EFHC1: variants seen among roughly 807,000 people sequenced by gnomAD.
The protein encoded by EFHC1 is EF-hand domain-containing protein 1.
Under a neutral mutation model 69.9 loss-of-function variants are expected in EFHC1, and 53 were observed. That is an observed-to-expected ratio of 0.76 (90% confidence interval 0.61 to 0.95). The LOEUF (loss-of-function observed/expected upper bound fraction) is 0.95, where lower values mean the gene tolerates loss of function less well. Among genes scored for constraint, EFHC1 ranks in the 40% least tolerant of loss-of-function variants. The pLI, the probability that EFHC1 is intolerant of heterozygous loss-of-function variation, is 0.00. For missense variants in EFHC1, 739 were observed against 798.7 expected (o/e 0.93, Z 0.90); for synonymous variants, 256 against 278.4 (o/e 0.92, Z 0.80).
chr6:52,455,739 T>C (rs758315119), intron 5 of EFHC1, among the ~76,000 whole-genome samples: 3 of 152,196 alleles, frequency 2.0e-5, no homozygotes, highest in Non-Finnish European at 4.4e-5. Context: ...AGTCTGAGGC[T>C]AAATTCAACG....
At chr6:52,430,631 A>G (rs1286647231) in intron 2 of EFHC1, among the ~76,000 whole-genome samples, 1 of 152,046 alleles carries the variant, frequency 6.6e-6, no homozygotes, top group Non-Finnish European at 1.5e-5. Context: ...TAAGGATTTT[A>G]GCATCTATGT....
rs751968152 is a variant in EFHC1, at chr6:52,494,060, A to G, written c.*1719A>G. On this transcript the variant is annotated 3_prime_UTR_variant, in exon 11 of 11. Transcript: ENST00000371068. ...CCATGTTTTGTTTTGTTTTACCCTC[A>G]GTCGCTCATAACTATTTAAAACAGT... The G allele has an allele frequency of 1.4e-4, 62 of 432,470 alleles. No homozygotes were observed. Among genetic ancestry groups the G allele is most frequent in the South Asian group, 9.8e-4 (62 of 63,130 alleles). 26.8% of individuals were successfully genotyped at this position (432,470 alleles called of 1,614,324 possible).
chr6:52,493,438 G>A lies in EFHC1; in HGVS notation c.*1097G>A, dbSNP rs1352451234. On this transcript the variant is annotated 3_prime_UTR_variant, in exon 11 of 11. Coordinates refer to ENST00000371068, the MANE Select transcript of EFHC1 (RefSeq NM_018100.4). ...ACGCTTATATGTATACATATAGTAT[G>A]TATATGTGTATATATATTATGTATA... 3 of 383,768 alleles carry A rather than the reference G, an allele frequency of 7.8e-6. No individual in the cohort carries two copies. Among genetic ancestry groups the A allele is most frequent in the South Asian group, 5.7e-5 (3 of 52,498 alleles). 23.8% of individuals were successfully genotyped at this position (383,768 alleles called of 1,614,324 possible).
Position 52,453,767 on chromosome 6 carries a change from A to C in EFHC1, c.724-328A>C, listed in dbSNP as rs531274871. On this transcript the variant is annotated intron_variant, in intron 4 of 10. Transcript: ENST00000371068. The stretch of plus-strand genomic sequence containing the variant: ...TTCACATGTACCTTTATTAATATAT[A>C]TATACCACTATGTAAAGAACTTCAT... 46 of 1,261,712 alleles carry C rather than the reference A, an allele frequency of 3.6e-5. No individual in the cohort carries two copies. In the African/African-American group the frequency reaches 6.5e-4, roughly 18 times the overall value. The allele number at this position is 1,261,712 out of a possible 1,614,324, so 78.2% of individuals were successfully genotyped here.
chr6:52,458,737 C>T (rs1765098627), intron 5 of EFHC1, among the ~76,000 whole-genome samples: 1 of 152,288 alleles, frequency 6.6e-6, no homozygotes, highest in South Asian at 2.1e-4. Context: ...AGTAGAACTA[C>T]ACCAATCCCA....
rs557637201 is a variant in EFHC1 at position 52,460,356 on chromosome 6, C to T, written c.917-4539C>T. Among the ~76,000 whole-genome samples the T allele has an allele frequency of 1.1e-3, 168 of 152,044 alleles. 1 individual carries two copies. Among genetic ancestry groups the T allele is most frequent in the Middle Eastern group, 6.8e-3 (2 of 294 alleles). On this transcript the variant is annotated intron_variant, in intron 5 of 10. Transcript: ENST00000371068. ...AATAAGCAAAATAGATCAGTGATTG[C>T]GTGAGGATGGTGAGAAGGAGAGTTA...
intron 2 of EFHC1, among the ~76,000 whole-genome samples, chr6:52,431,755 T>C (rs995239583): frequency 2.0e-5 from 3 of 152,204 alleles, no homozygotes; most frequent in Non-Finnish European, 4.4e-5. Flanking sequence ...TGTTTCTTTG[T>C]TGACTTTCTG....
chr6:52,479,707 T>C lies in EFHC1; in HGVS notation c.1560T>C (p.Ala520=), dbSNP rs1199507059. ...EYVLKYMESN[A]AQYSPEALAS... ...TTTTGAAATACATGGAGAGCAACGC[T>C]GCCCAGTATTCACCAGAAGCACTCG... is the stretch of plus-strand genomic sequence containing the variant. The change falls in exon 9 of 11, where the codon GCT becomes GCC. Residue 520 remains alanine, a synonymous_variant. Coordinates refer to ENST00000371068, the MANE Select transcript of EFHC1 (RefSeq NM_018100.4). 3.1e-6 allele frequency: 5 copies of C among 1,614,208 alleles called. No homozygotes were observed. Among genetic ancestry groups the C allele is most frequent in the Non-Finnish European group, 4.2e-6 (5 of 1,180,034 alleles).
chr6:52,454,344 A>G, intron 5 of EFHC1, 57 bp downstream of exon 5: 3 of 1,607,628 alleles, frequency 1.9e-6, no homozygotes, highest in Non-Finnish European at 2.6e-6. Context: ...TTCTTAAAGG[A>G]GTTACTTAAT....
rs144629373 is a variant in EFHC1 at position 52,494,164 on chromosome 6, T to C, written c.*1823T>C. On this transcript the variant is annotated 3_prime_UTR_variant, in exon 11 of 11. Transcript: ENST00000371068. The stretch of plus-strand genomic sequence containing the variant: ...TCACGTAAGTAAAAAATATCACAAG[T>C]TGAAAACACATTTAATAACCCTGAT... The C allele has an allele frequency of 2.4e-3, 1,110 of 454,082 alleles. 16 individuals are homozygous for C. Among genetic ancestry groups the C allele is most frequent in the African/African-American group, 0.019 (965 of 50,108 alleles). The allele number at this position is 454,082 out of a possible 1,614,324, so 28.1% of individuals were successfully genotyped here. A position where few individuals can be genotyped will look rare whatever the true frequency, so the allele number is the denominator to read the frequency against.
intron 5 of EFHC1, 66 bp downstream of exon 5, chr6:52,454,353 A>T: frequency 6.3e-7 from 1 of 1,598,766 alleles, no homozygotes; most frequent in East Asian, 2.2e-5. Context: ...GAGTTACTTA[A>T]TCAGTATGCA....
chr6:52,461,837 T>C (rs546675763), intron 5 of EFHC1, among the ~76,000 whole-genome samples: 1 of 152,306 alleles, frequency 6.6e-6, no homozygotes, highest in East Asian at 1.9e-4. Flanking sequence ...CAAAAAGCTT[T>C]GATTGAGATG....
chr6:52,437,755 G>C (rs1271677704), intron 2 of EFHC1: 1 of 157,792 alleles, frequency 6.3e-6, no homozygotes, highest in Non-Finnish European at 1.4e-5. Context: ...AGTTCTATGG[G>C]ATTAGACTTA....
intron 2 of EFHC1, among the ~76,000 whole-genome samples, chr6:52,429,524 G>T (rs1764372824): frequency 6.6e-6 from 1 of 151,832 alleles, no homozygotes; most frequent in Non-Finnish European, 1.5e-5. Flanking sequence ...TTTATTTCTG[G>T]GCTCTCTGTT....
At position 52,453,891 on chromosome 6, in the gene EFHC1, T is replaced by A. The variant is rs1418536920; in HGVS notation, c.724-204T>A. The A allele has an allele frequency of 2.1e-6, 3 of 1,421,002 alleles. No homozygotes were observed. The South Asian group carries it at 3.7e-5, about 17-fold the overall frequency. The allele number at this position is 1,421,002 out of a possible 1,614,324, so 88.0% of individuals were successfully genotyped here. On this transcript the variant is annotated intron_variant, in intron 4 of 10. Coordinates refer to ENST00000371068, the MANE Select transcript of EFHC1 (RefSeq NM_018100.4). Reference sequence around the variant, plus strand: ...ACTTATAATCCTATTATTTAATTCTTTCCAGCTGCTGACATATAGTACATA... The same window carrying A: ...ACTTATAATCCTATTATTTAATTCTATCCAGCTGCTGACATATAGTACATA...
intron 3 of EFHC1, among the ~76,000 whole-genome samples, chr6:52,441,694 A>T (rs2113982364): frequency 6.6e-6 from 1 of 152,306 alleles, no homozygotes; most frequent in African/African-American, 2.4e-5. Context: ...TTTGGGCAGT[A>T]TGGTGACTGT....
intron 2 of EFHC1, among the ~76,000 whole-genome samples, chr6:52,435,768 G>T (rs1764519438): frequency 6.6e-6 from 1 of 152,128 alleles, no homozygotes; most frequent in Admixed American, 6.5e-5. Context: ...AGCCCCCCTT[G>T]TATCCTCTGC....
chr6:52,493,800 A>C lies in EFHC1; in HGVS notation c.*1459A>C. ...TTCTCTTTGGTTGAAGTCAGCCACT[A>C]AGTTCATCTTTAAACATGCTATCTC... On this transcript the variant is annotated 3_prime_UTR_variant, in exon 11 of 11. Transcript: ENST00000371068. The C allele has an allele frequency of 2.2e-6, 1 of 454,088 alleles. No homozygotes were observed. Among genetic ancestry groups the C allele is most frequent in the Non-Finnish European group, 4.4e-6 (1 of 226,778 alleles). 28.1% of individuals were successfully genotyped at this position (454,088 alleles called of 1,614,324 possible).
intron 4 of EFHC1, 159 bp downstream of exon 4, chr6:52,452,996 G>T (rs757046552): frequency 1.9e-6 from 3 of 1,555,066 alleles, no homozygotes; most frequent in South Asian, 2.3e-5. Context: ...TTCATCAAGG[G>T]TTACAGGTAC....
Sources: allele counts gnomAD v4.1 joint callset (sites outside exome capture counted in the v4.1 genomes callset), GRCh38; gene constraint gnomAD v4.1.1; transcripts MANE v1.5; gene names NCBI Gene and HGNC (gene_info 2026-07-23, HGNC 2026-07-21).